The following TRIO variants were observed in gnomAD, a reference collection of about 807,000 sequenced individuals.
TRIO encodes the protein triple functional domain protein.
A neutral mutation model predicts 351.9 loss-of-function variants in TRIO; 58 were observed. The ratio of observed to expected loss-of-function variants is 0.16; its 90% CI spans 0.13 to 0.21. The LOEUF is 0.21. TRIO is among the 10% of genes least tolerant of loss of function. TRIO has a pLI of 1.00. For synonymous variants in TRIO, 1,758 were observed against 1,595.7 expected, an observed-to-expected ratio of 1.10 and a Z score of -2.42; for missense variants, 3,201 against 4,027.8, an observed-to-expected ratio of 0.79 and a Z score of 5.56.
At chr5:14,483,962 G>A (rs866603935) in intron 46 of TRIO, among the ~76,000 whole-genome samples, 4 of 151,978 alleles carry the variant, frequency 2.6e-5, no homozygotes, top group Middle Eastern at 3.4e-3. Context: ...ACGCTGAGCC[G>A]CACCCATCCC....
At chr5:14,345,929 A>C (rs1227835429) in intron 11 of TRIO, among the ~76,000 whole-genome samples, 1 of 152,222 alleles carries the variant, frequency 6.6e-6, no homozygotes, top group African/African-American at 2.4e-5. Flanking sequence ...TAAATATTTT[A>C]TTATCAAAGA....
intron 34 of TRIO, among the ~76,000 whole-genome samples, chr5:14,453,365 C>A (rs1752988510): frequency 6.6e-6 from 1 of 152,048 alleles, no homozygotes; most frequent in Admixed American, 6.5e-5. Flanking sequence ...TTCATTCATC[C>A]TTCATATTAA....
rs34892418 is a variant in TRIO, at chr5:14,451,330, CA to C, written c.5204-9678del. ...AGTGCACTGTGGTCTTTTCTTTATT[CA>C]AAAAAAAAAAGGCCACCTTGATTCC... On this transcript the variant is annotated intron_variant, in intron 34 of 56. Coordinates refer to ENST00000344204, the MANE Select transcript of TRIO (RefSeq NM_007118.4). Among the ~76,000 whole-genome samples the C allele has an allele frequency of 1.9e-3, 265 of 141,100 alleles. 1 individual carries two copies. Among genetic ancestry groups the C allele is most frequent in the East Asian group, 6.8e-3 (33 of 4,878 alleles). 92.6% of individuals were successfully genotyped at this position (141,100 alleles called of 152,430 possible).
intron 55 of TRIO, among the ~76,000 whole-genome samples, chr5:14,505,049 C>T (rs1757566254): frequency 6.6e-6 from 1 of 152,252 alleles, no homozygotes; most frequent in South Asian, 2.1e-4. Context: ...GGGTAAGACG[C>T]ACCTCCCCGC....
intron 1 of TRIO, among the ~76,000 whole-genome samples, chr5:14,236,170 G>A (rs2152228375): frequency 6.6e-6 from 1 of 152,162 alleles, no homozygotes; most frequent in Admixed American, 6.5e-5. Flanking sequence ...GTAAAATAAA[G>A]CCTCCCCACC....
Position 14,462,787 on chromosome 5 carries a change from T to C in TRIO, c.5529T>C (p.Thr1843=). ...GGAACGAGGGCCTGAGCAGCGGTAC[T>C]CTCTCCAAATCCTCCTCCTCGGGGA... ...RGRNEGLSSG[T]LSKSSSSGMQ... Residue 1843 remains threonine, a synonymous_variant, in exon 36 of 57, where the codon ACT becomes ACC. Transcript: ENST00000344204. 4.3e-6 allele frequency: 7 copies of C among 1,614,196 alleles called. No individual in the cohort carries two copies. The highest frequency in any genetic ancestry group is 5.9e-6 in the Non-Finnish European group (7 of 1,180,012).
intron 40 of TRIO, 62 bp downstream of exon 40, chr5:14,474,159 A>T: frequency 2.6e-6 from 4 of 1,518,652 alleles, no homozygotes. Context: ...AAACCAAGGC[A>T]GGCCAGGCCA....
At chr5:14,437,508 G>A (rs1751677512) in intron 34 of TRIO, among the ~76,000 whole-genome samples, 3 of 152,168 alleles carry the variant, frequency 2.0e-5, no homozygotes. Context: ...ACACTGCCTG[G>A]TTCAAACAAC....
chr5:14,488,660 T>C (rs1418023681), intron 48 of TRIO: 1 of 531,282 alleles, frequency 1.9e-6, no homozygotes, highest in African/African-American at 1.9e-5. Context: ...TTTTTGCTCA[T>C]CGCTTGGTTT....
At position 14,420,253 on chromosome 5, in the gene TRIO, G is replaced by A. The variant is rs1579603383; in HGVS notation, c.5203+232G>A. ...GTGATCTCCTCACTTCCAGGGCGGT[G>A]TAGTGAGATATGACATCAGTTTAGA... On this transcript the variant is annotated intron_variant, in intron 34 of 56. Coordinates refer to ENST00000344204, the MANE Select transcript of TRIO (RefSeq NM_007118.4). 10 of 589,070 alleles carry A rather than the reference G, an allele frequency of 1.7e-5. No homozygotes were observed. The East Asian group carries it at 3.3e-4, about 19-fold the overall frequency. The allele number at this position is 589,070 out of a possible 1,614,324, so 36.5% of individuals were successfully genotyped here. A position where few individuals can be genotyped will look rare whatever the true frequency, so the allele number is the denominator to read the frequency against.
chr5:14,336,437 AT>A, intron 10 of TRIO, 98 bp from the exon 11 acceptor site: 1 of 1,257,932 alleles, frequency 7.9e-7, no homozygotes, highest in Admixed American at 2.1e-5. Flanking sequence ...GTGATCAAAA[AT>A]ATCACAAATT....
intron 34 of TRIO, among the ~76,000 whole-genome samples, chr5:14,443,528 T>G (rs1338538622): frequency 6.6e-6 from 1 of 152,230 alleles, no homozygotes; most frequent in Non-Finnish European, 1.5e-5. Flanking sequence ...AATCCCAAAG[T>G]AACTTTACAG....
intron 1 of TRIO, among the ~76,000 whole-genome samples, chr5:14,243,764 AT>A (rs1794270596): frequency 6.6e-6 from 1 of 152,126 alleles, no homozygotes; most frequent in Non-Finnish European, 1.5e-5. Flanking sequence ...AATTGTGTAC[AT>A]TTTTCATGAG....
intron 1 of TRIO, among the ~76,000 whole-genome samples, chr5:14,245,160 T>G (rs557025795): frequency 6.6e-6 from 1 of 152,348 alleles, no homozygotes; most frequent in South Asian, 2.1e-4. Context: ...GTTCTCAACT[T>G]TGAACATCCA....
In TRIO at chr5:14,503,976, G is replaced by A. The variant is rs555690674; in HGVS notation, c.8412-417G>A. Among the ~76,000 whole-genome samples the A allele has an allele frequency of 3.9e-5, 6 of 152,386 alleles. No homozygotes were observed. In the South Asian group the frequency reaches 1.2e-3, roughly 32 times the overall value. ...CCCCCACAGGGGCGAGGCTGAGGCA[G>A]TGACCACAGCAGACGCACCTTTCAA... is the stretch of plus-strand genomic sequence containing the variant. On this transcript the variant is annotated intron_variant, in intron 54 of 56. Transcript: ENST00000344204.
intron 1 of TRIO, among the ~76,000 whole-genome samples, chr5:14,211,116 C>T (rs548331451): frequency 2.0e-5 from 3 of 152,186 alleles, no homozygotes; most frequent in Admixed American, 2.0e-4. Context: ...GACCTTTTGA[C>T]TTTACCTTCT....
Position 14,508,197 on chromosome 5 carries a change from C to T in TRIO, c.9069C>T (p.Ala3023=). The T allele has an allele frequency of 6.2e-7, 1 of 1,614,114 alleles. No individual in the cohort carries two copies. Among genetic ancestry groups the T allele is most frequent in the Non-Finnish European group, 8.5e-7 (1 of 1,180,026 alleles). ...ACTTTAAAGGAGTGAGCCAGAAGGC[C>T]AAGGAGTTCGTGTGCTTCCTCCTGC... ...DDYFKGVSQK[A]KEFVCFLLQE... is the part of the protein sequence containing the mutation. The change falls in exon 57 of 57, where the codon GCC becomes GCT. Residue 3023 remains alanine (A), a synonymous_variant. Coordinates refer to ENST00000344204, the MANE Select transcript of TRIO (RefSeq NM_007118.4).
intron 2 of TRIO, among the ~76,000 whole-genome samples, chr5:14,275,226 A>G (rs1375339215): frequency 6.6e-6 from 1 of 152,178 alleles, no homozygotes; most frequent in Non-Finnish European, 1.5e-5. Flanking sequence ...TGTAATGCTA[A>G]TGGTATTAGC....
intron 29 of TRIO, among the ~76,000 whole-genome samples, chr5:14,398,356 T>C (rs1223813461): frequency 6.6e-6 from 1 of 152,112 alleles, no homozygotes; most frequent in African/African-American, 2.4e-5. Context: ...GCACCAAGCA[T>C]GGGCAGCCAG....
Sources: gnomAD v4.1 joint callset for allele counts (sites outside exome capture counted in the v4.1 genomes callset) on GRCh38, gnomAD v4.1.1 for gene constraint, MANE v1.5 for transcripts, NCBI Gene and HGNC (gene_info 2026-07-23, HGNC 2026-07-21) for gene names.